Variants in ARHGEF4 observed in about 807,000 individuals in gnomAD.
The protein encoded by ARHGEF4 is Rho guanine nucleotide exchange factor 4.
Under a neutral mutation model 162.0 loss-of-function variants are expected in ARHGEF4, and 119 were observed. The observed-to-expected ratio is 0.73, with a 90% confidence interval of 0.63 to 0.86. ARHGEF4 has a LOEUF of 0.86. ARHGEF4 is among the 40% of genes least tolerant of loss of function. The pLI, the probability that ARHGEF4 is intolerant of heterozygous loss-of-function variation, is 0.00. For missense variants in ARHGEF4, 2,488 were observed against 2,456.0 expected, an observed-to-expected ratio of 1.01 and a Z score of -0.28; for synonymous variants, 1,014 against 979.9, an observed-to-expected ratio of 1.03 and a Z score of -0.65.
chr2:131,034,433 C>T (rs1382372053), intron 5 of ARHGEF4, among the ~76,000 whole-genome samples: 2 of 152,182 alleles, frequency 1.3e-5, no homozygotes, highest in African/African-American at 4.8e-5. Context: ...CCTGGCTTTT[C>T]CAAAGGAACA....
chr2:130,945,641 C>G (rs1314622687), intron 3 of ARHGEF4, among the ~76,000 whole-genome samples: 2 of 152,142 alleles, frequency 1.3e-5, no homozygotes, highest in African/African-American at 4.8e-5. Flanking sequence ...ACCACAGGAA[C>G]AACAAAACAA....
At chr2:130,885,799 T>C (rs1679486600) in intron 1 of ARHGEF4, among the ~76,000 whole-genome samples, 1 of 151,588 alleles carries the variant, frequency 6.6e-6, no homozygotes. Flanking sequence ...CCAGAACTCC[T>C]GACCTAGTGA....
intron 6 of ARHGEF4, chr2:131,039,470 AG>A: frequency 9.8e-7 from 1 of 1,023,008 alleles, no homozygotes; most frequent in African/African-American, 1.7e-5. Context: ...ATTCCATCTA[AG>A]GGGGTCTCCA....
At chr2:130,991,736 T>C (rs902796613) in intron 4 of ARHGEF4, among the ~76,000 whole-genome samples, 1 of 152,206 alleles carries the variant, frequency 6.6e-6, no homozygotes, top group African/African-American at 2.4e-5. Flanking sequence ...CCCGCCTCCA[T>C]GGATTCCTGT....
intron 4 of ARHGEF4, among the ~76,000 whole-genome samples, chr2:130,960,046 C>G (rs571681957): frequency 6.6e-6 from 1 of 152,148 alleles, no homozygotes; most frequent in East Asian, 1.9e-4. Context: ...TACATAATCA[C>G]GTTGCATGCA....
intron 4 of ARHGEF4, among the ~76,000 whole-genome samples, chr2:131,015,182 G>C (rs1370093539): frequency 6.6e-6 from 1 of 152,220 alleles, no homozygotes; most frequent in Non-Finnish European, 1.5e-5. Flanking sequence ...GTTTCTCCCA[G>C]GAGGGCCCAG....
intron 4 of ARHGEF4, among the ~76,000 whole-genome samples, chr2:130,976,924 T>G (rs879702450): frequency 2.6e-5 from 4 of 151,816 alleles, no homozygotes; most frequent in Non-Finnish European, 5.9e-5. Flanking sequence ...GTATGGTGTG[T>G]TAGTATGTGT....
chr2:130,850,873 TCATG>T (rs1357617683), intron 1 of ARHGEF4, among the ~76,000 whole-genome samples: 15 of 152,252 alleles, frequency 9.9e-5, no homozygotes, highest in African/African-American at 3.4e-4. Context: ...TGGGCCTCTG[TCATG>T]CATGCGCTTC....
At chr2:130,853,460 A>G (rs1681552535) in intron 1 of ARHGEF4, among the ~76,000 whole-genome samples, 1 of 152,134 alleles carries the variant, frequency 6.6e-6, no homozygotes, top group African/African-American at 2.4e-5. Context: ...TCTGAACCTC[A>G]ATCATGTGCT....
chr2:131,043,358 A>C, intron 10 of ARHGEF4, 94 bp from the exon 11 acceptor site: 1 of 1,548,788 alleles, frequency 6.5e-7, no homozygotes. Flanking sequence ...AGGCAAGGCC[A>C]GGGGGAGGTG....
chr2:130,939,753 T>C (rs111338439), intron 3 of ARHGEF4, among the ~76,000 whole-genome samples: 1,986 of 152,360 alleles, frequency 0.013, 38 homozygotes, highest in African/African-American at 0.044. Flanking sequence ...TTAGGTTTTC[T>C]TTAACTTCTT....
intron 1 of ARHGEF4, among the ~76,000 whole-genome samples, chr2:130,870,417 G>A (rs993642080): frequency 5.3e-5 from 8 of 152,198 alleles, no homozygotes. Flanking sequence ...CAGCTGAGGG[G>A]AGCCCTCCAG....
Position 130,915,739 on chromosome 2 carries a change from G to C in ARHGEF4, c.1793G>C (p.Gly598Ala), listed in dbSNP as rs764468919. The change falls in exon 2 of 14, where the codon GGC (glycine) becomes GCC (alanine). Residue 598 changes from glycine to alanine, a missense_variant. This residue lies in a region of ARHGEF4 where 1,642 missense variants were observed against 1,481.5 expected (regional missense o/e 1.11). Coordinates refer to ENST00000409359, the MANE Select transcript of ARHGEF4 (RefSeq NM_001367493.1). ...EFKAATVSHC[G>A]PGAEEGEQGP... Reference sequence around the variant, plus strand: ...AAGGCAGCCACGGTGTCTCACTGCGGCCCCGGGGCTGAGGAGGGTGAACAG... The same window carrying C: ...AAGGCAGCCACGGTGTCTCACTGCGCCCCCGGGGCTGAGGAGGGTGAACAG... 2.4e-5 allele frequency: 37 copies of C among 1,546,750 alleles called. 1 individual carries two copies. The South Asian group carries it at 4.3e-4, about 18-fold the overall frequency.
intron 3 of ARHGEF4, among the ~76,000 whole-genome samples, chr2:130,934,340 C>A (rs763050620): frequency 7.2e-5 from 11 of 152,270 alleles, no homozygotes; most frequent in Admixed American, 1.3e-4. Context: ...GCTCTCTCCT[C>A]TTCTATTTTT....
At chr2:130,872,454 G>A (rs1172277447) in intron 1 of ARHGEF4, among the ~76,000 whole-genome samples, 2 of 152,020 alleles carry the variant, frequency 1.3e-5, no homozygotes, top group Non-Finnish European at 2.9e-5. Context: ...GTCCCCCCAG[G>A]CCCCCTGCCC....
At chr2:131,030,854 A>G (rs1689804880) in intron 5 of ARHGEF4, among the ~76,000 whole-genome samples, 2 of 152,294 alleles carry the variant, frequency 1.3e-5, no homozygotes, top group South Asian at 4.1e-4. Context: ...AGCCGCCAGA[A>G]GCATTAAGTG....
intron 2 of ARHGEF4, among the ~76,000 whole-genome samples, chr2:130,924,604 C>A (rs1682116106): frequency 6.6e-6 from 1 of 152,190 alleles, no homozygotes; most frequent in Non-Finnish European, 1.5e-5. Context: ...TTAGAGATTT[C>A]TTTCCTCTGG....
Position 131,047,188 on chromosome 2 carries a change from C to G in ARHGEF4, c.*999C>G, listed in dbSNP as rs1276359565. 6.6e-6 allele frequency: 1 copy of G among 152,262 alleles called. No individual in the cohort carries two copies. The highest frequency in any genetic ancestry group is 2.4e-5 in the African/African-American group (1 of 41,464). The allele number at this position is 152,262 out of a possible 1,614,324, so 9.4% of individuals were successfully genotyped here. On this transcript the variant is annotated 3_prime_UTR_variant, in exon 14 of 14. Transcript: ENST00000409359. ...GGATTCAGCAGCATGGACAGTCACT[C>G]TTGCACTATTCCTTCTCCAAGCCAG...
chr2:130,929,427 C>T (rs1417728436), intron 2 of ARHGEF4, among the ~76,000 whole-genome samples: 1 of 152,050 alleles, frequency 6.6e-6, no homozygotes, highest in Admixed American at 6.5e-5. Flanking sequence ...TTTTAGAATA[C>T]CTCAGATTAA....
Sources: allele counts gnomAD v4.1 joint callset (sites outside exome capture counted in the v4.1 genomes callset), GRCh38; gene constraint gnomAD v4.1.1; regional missense constraint gnomAD v4.1.1; transcripts MANE v1.5; gene names NCBI Gene and HGNC (gene_info 2026-07-23, HGNC 2026-07-21).